TNNI3K: variants seen among roughly 807,000 people sequenced by gnomAD.
TNNI3K encodes TNNI3 interacting kinase, also known as serine/threonine-protein kinase TNNI3K.
Under a neutral mutation model 114.5 loss-of-function variants are expected in TNNI3K, and 140 were observed. The observed-to-expected ratio is 1.22, with a 90% CI of 1.07 to 1.41. The LOEUF is 1.41. Among genes scored for constraint, TNNI3K ranks in the 40% most tolerant of loss-of-function variants. The pLI is 0.00. For synonymous variants in TNNI3K, 347 were observed against 347.5 expected, an observed-to-expected ratio of 1.00 and a Z score of 0.02; for missense variants, 1,125 against 1,007.6, an observed-to-expected ratio of 1.12 and a Z score of -1.58.
chr1:74,291,898 A>C (rs940535043), intron 5 of TNNI3K, among the ~76,000 whole-genome samples: 3 of 151,486 alleles, frequency 2.0e-5, no homozygotes, highest in African/African-American at 7.3e-5. Flanking sequence ...TTTATTAAAA[A>C]GCTTATATTT....
intron 17 of TNNI3K, among the ~76,000 whole-genome samples, chr1:74,401,320 A>G (rs969360243): frequency 4.6e-5 from 7 of 152,188 alleles, no homozygotes; most frequent in Non-Finnish European, 7.3e-5. Flanking sequence ...ATGCATTCAC[A>G]GTGGGAAGAA....
At chr1:74,417,722 G>A (rs1333829423) in intron 17 of TNNI3K, among the ~76,000 whole-genome samples, 6 of 128,222 alleles carry the variant, frequency 4.7e-5, no homozygotes, top group African/African-American at 1.7e-4. Context: ...GTGTGTGTGT[G>A]TGTGTGTGTG....
chr1:74,331,098 G>A (rs1329791148), intron 5 of TNNI3K, among the ~76,000 whole-genome samples: 1 of 152,124 alleles, frequency 6.6e-6, no homozygotes, highest in East Asian at 1.9e-4. Context: ...ATGAATATAT[G>A]AGGCAGAAGG....
chr1:74,347,144 TC>T (rs575017726), intron 9 of TNNI3K, among the ~76,000 whole-genome samples: 207 of 85,214 alleles, frequency 2.4e-3, no homozygotes, highest in African/African-American at 9.2e-3. Flanking sequence ...ATGCTATCCC[TC>T]CCCCCTCCCC....
chr1:74,268,717 G>A (rs751902939), intron 4 of TNNI3K, among the ~76,000 whole-genome samples: 11 of 151,848 alleles, frequency 7.2e-5, no homozygotes, highest in Non-Finnish European at 1.5e-4. Flanking sequence ...TAGTCATTGT[G>A]AGAGCTGAAA....
intron 20 of TNNI3K, among the ~76,000 whole-genome samples, chr1:74,445,030 A>G (rs1276615227): frequency 1.3e-5 from 2 of 152,162 alleles, no homozygotes; most frequent in South Asian, 2.1e-4. Flanking sequence ...TACAAAAATT[A>G]ACTCCAGATG....
chr1:74,292,032 A>G (rs1657709602), intron 5 of TNNI3K, among the ~76,000 whole-genome samples: 1 of 151,486 alleles, frequency 6.6e-6, no homozygotes, highest in Non-Finnish European at 1.5e-5. Flanking sequence ...CATCCTATAT[A>G]AAGTTGTTCA....
intron 20 of TNNI3K, among the ~76,000 whole-genome samples, chr1:74,461,497 A>C (rs865987471): frequency 6.3e-4 from 96 of 151,664 alleles, no homozygotes; most frequent in African/African-American, 2.2e-3. Context: ...AAAAAAAAAA[A>C]AAGAGTAACC....
At position 74,414,233 on chromosome 1, in the gene TNNI3K, A is replaced by G. The variant is rs567498398; in HGVS notation, c.1773-21847A>G. 4.6e-4 allele frequency among the ~76,000 whole-genome samples: 70 copies of G among 152,330 alleles called. No homozygotes were observed. The South Asian group carries it at 0.014, about 30-fold the overall frequency. On this transcript the variant is annotated intron_variant, in intron 17 of 24. Coordinates refer to ENST00000326637, the MANE Select transcript of TNNI3K (RefSeq NM_015978.3). ...TTAGTTTACAATTTTGATTAATAACAAATCATTCTGCATTTTCTCTAAAAT... is the reference window on the plus strand; with the variant it reads ...TTAGTTTACAATTTTGATTAATAACGAATCATTCTGCATTTTCTCTAAAAT...
chr1:74,360,579 T>A (rs1661908460), intron 11 of TNNI3K, among the ~76,000 whole-genome samples: 1 of 152,102 alleles, frequency 6.6e-6, no homozygotes, highest in Non-Finnish European at 1.5e-5. Flanking sequence ...CATTCATCCT[T>A]ACATATGTCA....
At chr1:74,474,614 G>C (rs1293222852) in intron 21 of TNNI3K, among the ~76,000 whole-genome samples, 1 of 152,108 alleles carries the variant, frequency 6.6e-6, no homozygotes, top group Non-Finnish European at 1.5e-5. Context: ...CATTTTCACT[G>C]CTGAGCCTGA....
chr1:74,467,872 G>A (rs1461377859), intron 21 of TNNI3K, among the ~76,000 whole-genome samples: 3 of 152,058 alleles, frequency 2.0e-5, no homozygotes, highest in Non-Finnish European at 4.4e-5. Context: ...AATTTAACAA[G>A]CGCCCCAGGT....
intron 17 of TNNI3K, among the ~76,000 whole-genome samples, chr1:74,402,346 A>C (rs1664407006): frequency 6.6e-6 from 1 of 152,192 alleles, no homozygotes; most frequent in African/African-American, 2.4e-5. Context: ...CAAAGCAAGG[A>C]ATAGTAAGAT....
chr1:74,476,990 A>G (rs1157172191), intron 21 of TNNI3K, among the ~76,000 whole-genome samples: 2 of 152,114 alleles, frequency 1.3e-5, no homozygotes, highest in East Asian at 3.9e-4. Context: ...ATCTATTTTA[A>G]TTCATTTGCC....
chr1:74,470,021 C>A (rs1410618832), intron 21 of TNNI3K: 1 of 400,598 alleles, frequency 2.5e-6, no homozygotes, highest in Non-Finnish European at 4.4e-6. Flanking sequence ...TCTTTTAACC[C>A]TGGTAAGAAG....
At chr1:74,350,982 G>A (rs570577651) in intron 9 of TNNI3K, among the ~76,000 whole-genome samples, 4 of 151,898 alleles carry the variant, frequency 2.6e-5, no homozygotes, top group Admixed American at 2.6e-4. Flanking sequence ...GGTTAGTATT[G>A]TTATGTGTGA....
At chr1:74,526,691 C>A (rs1646507731) in intron 23 of TNNI3K, among the ~76,000 whole-genome samples, 2 of 152,060 alleles carry the variant, frequency 1.3e-5, no homozygotes, top group African/African-American at 4.8e-5. Flanking sequence ...TTTAACATTC[C>A]TCTCCTAGGA....
chr1:74,485,714 AAGTC>A (rs1431458716), intron 21 of TNNI3K, among the ~76,000 whole-genome samples: 1 of 152,212 alleles, frequency 6.6e-6, no homozygotes, highest in Non-Finnish European at 1.5e-5. Flanking sequence ...CACAGAGTGG[AAGTC>A]AGGCATGTGC....
At chr1:74,384,747 A>T (rs1663386202) in intron 17 of TNNI3K, among the ~76,000 whole-genome samples, 1 of 152,162 alleles carries the variant, frequency 6.6e-6, no homozygotes, top group African/African-American at 2.4e-5. Flanking sequence ...CCTGAAAAAA[A>T]CAGTGGCAAC....
Sources: allele counts gnomAD v4.1 joint callset (sites outside exome capture counted in the v4.1 genomes callset), GRCh38; gene constraint gnomAD v4.1.1; transcripts MANE v1.5; gene names NCBI Gene and HGNC (gene_info 2026-07-23, HGNC 2026-07-21).